Variants in DENND1A observed in about 807,000 individuals in gnomAD.
DENND1A encodes the protein DENN domain-containing protein 1A.
A neutral mutation model predicts 113.7 loss-of-function variants in DENND1A; 51 were observed. The ratio of observed to expected loss-of-function variants is 0.45; its 90% CI spans 0.36 to 0.57. The LOEUF is 0.57. Ranked by LOEUF, DENND1A falls within the 20% of genes least tolerant of loss-of-function variation. The pLI is 0.00. For missense variants in DENND1A, 1,258 were observed against 1,395.9 expected (o/e 0.90, Z 1.57); for synonymous variants, 565 against 570.8 (o/e 0.99, Z 0.14).
At chr9:123,784,001 G>A (rs576113083) in intron 3 of DENND1A, among the ~76,000 whole-genome samples, 1 of 152,206 alleles carries the variant, frequency 6.6e-6, no homozygotes, top group African/African-American at 2.4e-5. Context: ...GTGAGACAAG[G>A]TGTATAAACA....
intron 3 of DENND1A, among the ~76,000 whole-genome samples, chr9:123,776,636 C>G (rs181869546): frequency 2.0e-5 from 3 of 152,252 alleles, no homozygotes; most frequent in Admixed American, 1.3e-4. Flanking sequence ...ATTGCATACC[C>G]ACTTAATCAG....
At chr9:123,514,250 C>T (rs942973807) in intron 13 of DENND1A, among the ~76,000 whole-genome samples, 14 of 151,966 alleles carry the variant, frequency 9.2e-5, no homozygotes, top group African/African-American at 1.9e-4. Context: ...GAATGGTCCA[C>T]GTGGAAGGGA....
At chr9:123,903,714 G>A (rs1003124234) in intron 1 of DENND1A, among the ~76,000 whole-genome samples, 8 of 152,242 alleles carry the variant, frequency 5.3e-5, no homozygotes, top group African/African-American at 1.7e-4. Context: ...CTGGCTCAGA[G>A]GGTCCTACAC....
At chr9:123,927,409 C>A (rs57555953) in intron 1 of DENND1A, among the ~76,000 whole-genome samples, 12,783 of 152,172 alleles carry the variant, frequency 0.084, 894 homozygotes, top group African/African-American at 0.19. Context: ...ACATACCTTT[C>A]TCTGACATTT....
chr9:123,594,356 T>G (rs970431158), intron 11 of DENND1A, among the ~76,000 whole-genome samples: 9 of 152,088 alleles, frequency 5.9e-5, no homozygotes, highest in Non-Finnish European at 1.2e-4. Context: ...GTAATTCCCA[T>G]GAAGTCCCTG....
At chr9:123,699,856 C>A (rs2065780467) in intron 5 of DENND1A, among the ~76,000 whole-genome samples, 1 of 152,058 alleles carries the variant, frequency 6.6e-6, no homozygotes, top group Non-Finnish European at 1.5e-5. Flanking sequence ...TGCCAACACA[C>A]CCAGCTAATT....
intron 13 of DENND1A, among the ~76,000 whole-genome samples, chr9:123,555,452 G>A (rs2057365013): frequency 6.6e-6 from 1 of 152,144 alleles, no homozygotes; most frequent in African/African-American, 2.4e-5. Context: ...CGCACTCACT[G>A]GCTATGAGGG....
At chr9:123,801,581 A>G (rs560892390) in intron 2 of DENND1A, among the ~76,000 whole-genome samples, 1 of 152,366 alleles carries the variant, frequency 6.6e-6, no homozygotes, top group East Asian at 1.9e-4. Flanking sequence ...GCTGCTATGA[A>G]CATGCATGTG....
chr9:123,399,180 G>A (rs1330701258), intron 21 of DENND1A, among the ~76,000 whole-genome samples: 4 of 152,120 alleles, frequency 2.6e-5, no homozygotes, highest in East Asian at 3.9e-4. Flanking sequence ...AGAGAAGCAC[G>A]TGAGGATAAT....
At chr9:123,607,550 G>C (rs2060227907) in intron 11 of DENND1A, among the ~76,000 whole-genome samples, 1 of 83,138 alleles carries the variant, frequency 1.2e-5, no homozygotes, top group South Asian at 4.3e-4. Context: ...GAGAGAGAGT[G>C]TGTGTGTGTG....
intron 13 of DENND1A, among the ~76,000 whole-genome samples, chr9:123,549,790 G>A (rs2056929414): frequency 6.6e-6 from 1 of 152,094 alleles, no homozygotes; most frequent in African/African-American, 2.4e-5. Flanking sequence ...AGATTTGCTT[G>A]TACCTATGTA....
intron 5 of DENND1A, among the ~76,000 whole-genome samples, chr9:123,711,217 C>A (rs2140938677): frequency 6.6e-6 from 1 of 151,698 alleles, no homozygotes; most frequent in East Asian, 2.0e-4. Flanking sequence ...GTAATCCCAG[C>A]ACTTTGGGAG....
intron 21 of DENND1A, chr9:123,402,672 G>A: frequency 1.9e-6 from 1 of 527,560 alleles, no homozygotes; most frequent in East Asian, 5.5e-5. Flanking sequence ...TGAGGGCTGT[G>A]CTCCTTTTGC....
At chr9:123,924,809 C>G (rs1302794474) in intron 1 of DENND1A, among the ~76,000 whole-genome samples, 2 of 152,204 alleles carry the variant, frequency 1.3e-5, no homozygotes, top group African/African-American at 4.8e-5. Flanking sequence ...ACAAGCCTCT[C>G]TGCCATCAGT....
chr9:123,690,980 A>T (rs1470345152), intron 5 of DENND1A, among the ~76,000 whole-genome samples: 1 of 152,124 alleles, frequency 6.6e-6, no homozygotes, highest in Non-Finnish European at 1.5e-5. Context: ...GTGTGCTAAT[A>T]AGGTTTTCAG....
At chr9:123,793,467 T>C (rs959277729) in intron 2 of DENND1A, among the ~76,000 whole-genome samples, 1 of 152,186 alleles carries the variant, frequency 6.6e-6, no homozygotes, top group South Asian at 2.1e-4. Context: ...AGGAAAAGAT[T>C]TGATTCCTTT....
At chr9:123,565,342 T>C (rs1356930133) in intron 12 of DENND1A, among the ~76,000 whole-genome samples, 4 of 152,332 alleles carry the variant, frequency 2.6e-5, no homozygotes, top group East Asian at 1.9e-4. Context: ...GGAGGAACCA[T>C]GTCCACCCTC....
At chr9:123,448,495 T>C (rs1479068101) in intron 18 of DENND1A, among the ~76,000 whole-genome samples, 1 of 152,142 alleles carries the variant, frequency 6.6e-6, no homozygotes, top group Non-Finnish European at 1.5e-5. Context: ...GATATTCTGA[T>C]ACCAACGAGC....
intron 2 of DENND1A, among the ~76,000 whole-genome samples, chr9:123,820,494 C>T (rs566362457): frequency 2.0e-5 from 3 of 152,238 alleles, no homozygotes; most frequent in South Asian, 2.1e-4. Flanking sequence ...AAGTATGAGA[C>T]GTGTGAGCTG....
Sources: gnomAD v4.1 joint callset for allele counts (sites outside exome capture counted in the v4.1 genomes callset) on GRCh38, gnomAD v4.1.1 for gene constraint, MANE v1.5 for transcripts, NCBI Gene and HGNC (gene_info 2026-07-23, HGNC 2026-07-21) for gene names.